UBR1: variants seen among roughly 807,000 people sequenced by gnomAD.
The protein encoded by UBR1 is ubiquitin protein ligase E3 component n-recognin 1.
Under a neutral mutation model 242.1 loss-of-function variants are expected in UBR1, and 102 were observed. The observed-to-expected ratio is 0.42, with a 90% CI of 0.36 to 0.50. The LOEUF (loss-of-function observed/expected upper bound fraction) is 0.50, where lower values mean the gene tolerates loss of function less well. UBR1 is among the 20% of genes least tolerant of loss of function. The pLI is 0.01. For missense variants in UBR1, 1,772 were observed against 2,101.8 expected (o/e 0.84, Z 3.07); for synonymous variants, 675 against 684.8 (o/e 0.99, Z 0.22).
At chr15:43,017,446 T>C (rs1322683476) in intron 27 of UBR1, among the ~76,000 whole-genome samples, 1 of 152,052 alleles carries the variant, frequency 6.6e-6, no homozygotes, top group Admixed American at 6.5e-5. Flanking sequence ...TTTCAAGAGA[T>C]TTGCCAGGAA....
chr15:42,977,056 T>C (rs1050182706), intron 38 of UBR1, among the ~76,000 whole-genome samples, 189 bp from the exon 39 acceptor site: 1 of 152,232 alleles, frequency 6.6e-6, no homozygotes, highest in Non-Finnish European at 1.5e-5. Flanking sequence ...TGGAGGACGA[T>C]GATCACCACC....
At chr15:43,026,529 G>C in intron 23 of UBR1, 32 bp downstream of exon 23, 1 of 1,580,814 alleles carries the variant, frequency 6.3e-7, no homozygotes, top group Non-Finnish European at 8.7e-7. Context: ...AAGCATTTAG[G>C]TTTATTTACT....
At chr15:43,080,645 T>C (rs1303656038) in intron 3 of UBR1, among the ~76,000 whole-genome samples, 1 of 152,184 alleles carries the variant, frequency 6.6e-6, no homozygotes. Flanking sequence ...TTGGGAAATA[T>C]GAAGAAAGCT....
chr15:42,988,558 A>C, intron 35 of UBR1: 1 of 436,450 alleles, frequency 2.3e-6, no homozygotes, highest in South Asian at 2.3e-5. Flanking sequence ...TCAGCCTCCC[A>C]GGCATAATCC....
chr15:42,987,711 CA>C (rs35169116), intron 35 of UBR1, among the ~76,000 whole-genome samples: 1,958 of 54,632 alleles, frequency 0.036, 15 homozygotes, highest in African/African-American at 0.13. Context: ...GACTCTGTCT[CA>C]AAAAAAAAAA....
At position 43,063,596 on chromosome 15, in the gene UBR1, G is replaced by A. The variant is rs2033714326; in HGVS notation, c.799-3482C>T. Among the ~76,000 whole-genome samples the A allele has an allele frequency of 3.9e-5, 6 of 152,112 alleles. No individual in the cohort carries two copies. In the South Asian group the frequency reaches 1.2e-3, roughly 32 times the overall value. On this transcript the variant is annotated intron_variant, in intron 6 of 46. Coordinates refer to ENST00000290650, the MANE Select transcript of UBR1 (RefSeq NM_174916.3). Reference sequence around the variant, plus strand: ...AGGTGGGTGAATCACCTGAGCCCAGGAGTTGAAGACAAGTGTGGGCAACAT... The same window carrying A: ...AGGTGGGTGAATCACCTGAGCCCAGAAGTTGAAGACAAGTGTGGGCAACAT...
intron 37 of UBR1, among the ~76,000 whole-genome samples, chr15:42,982,257 A>G (rs180684653): frequency 2.5e-3 from 379 of 152,382 alleles, no homozygotes; most frequent in Non-Finnish European, 4.2e-3. Context: ...GTAAATATCT[A>G]AATTATGACT....
intron 32 of UBR1, among the ~76,000 whole-genome samples, chr15:43,000,909 C>T (rs2032712988): frequency 6.6e-6 from 1 of 152,188 alleles, no homozygotes; most frequent in South Asian, 2.1e-4. Flanking sequence ...TCTCGGCTCA[C>T]TGCAACCTCC....
At chr15:43,062,563 T>C (rs1414124035) in intron 6 of UBR1, among the ~76,000 whole-genome samples, 1 of 152,136 alleles carries the variant, frequency 6.6e-6, no homozygotes, top group East Asian at 1.9e-4. Context: ...TAGAAAAAGA[T>C]TAAAATGGTA....
At chr15:42,981,684 G>T (rs2032381133) in intron 37 of UBR1, among the ~76,000 whole-genome samples, 1 of 151,978 alleles carries the variant, frequency 6.6e-6, no homozygotes, top group Non-Finnish European at 1.5e-5. Context: ...TAGAGACAGG[G>T]TTTTACCATG....
intron 30 of UBR1, among the ~76,000 whole-genome samples, chr15:43,005,206 G>A (rs975153944): frequency 1.3e-5 from 2 of 152,134 alleles, no homozygotes; most frequent in South Asian, 2.1e-4. Flanking sequence ...GGGAAGTGAG[G>A]AGCATCTCCG....
intron 39 of UBR1, among the ~76,000 whole-genome samples, chr15:42,972,693 C>A (rs1427932415): frequency 6.6e-6 from 1 of 152,120 alleles, no homozygotes; most frequent in Non-Finnish European, 1.5e-5. Context: ...CTTTTTAGCA[C>A]TGAATAATAT....
rs529943406 is a variant in UBR1 at position 43,069,260 on chromosome 15, C to T, written c.660-1224G>A. On this transcript the variant is annotated intron_variant, in intron 5 of 46. Transcript: ENST00000290650. ...ACAAGATATGTAAAAACAGCTGCCA[C>T]GGGCTACATATGTGTTCAGTATTTT... 8.6e-5 allele frequency among the ~76,000 whole-genome samples: 13 copies of T among 151,884 alleles called. No homozygotes were observed. The East Asian group carries it at 1.6e-3, about 18-fold the overall frequency.
chr15:43,097,431 C>T (rs952053007), intron 1 of UBR1, among the ~76,000 whole-genome samples: 16 of 152,360 alleles, frequency 1.1e-4, no homozygotes, highest in Middle Eastern at 3.4e-3. Flanking sequence ...GCATTAGCCG[C>T]TAGCAAGAGA....
At chr15:43,005,051 G>A (rs942425081) in intron 30 of UBR1, among the ~76,000 whole-genome samples, 1 of 151,378 alleles carries the variant, frequency 6.6e-6, no homozygotes, top group Non-Finnish European at 1.5e-5. Context: ...GAACTGAGGA[G>A]CGTCTCTGCC....
At chr15:42,980,054 C>T (rs560497496) in intron 37 of UBR1, among the ~76,000 whole-genome samples, 1 of 152,286 alleles carries the variant, frequency 6.6e-6, no homozygotes, top group South Asian at 2.1e-4. Flanking sequence ...TCTGATATTT[C>T]AGTTAGCATG....
intron 29 of UBR1, among the ~76,000 whole-genome samples, chr15:43,013,000 A>G (rs6493075): frequency 1 from 152,294 of 152,294 alleles, 76,147 homozygotes; most frequent in Non-Finnish European, 1. Flanking sequence ...CTGGCTCCCA[A>G]GTTCAGGTGA....
At chr15:43,085,920 CAAAA>C (rs77056940) in intron 2 of UBR1, 60 bp downstream of exon 2, 1,158 of 1,238,734 alleles carry the variant, frequency 9.3e-4, no homozygotes, top group Middle Eastern at 1.6e-3. Flanking sequence ...GACTCTGTTT[CAAAA>C]AAAAAAAAAA....
chr15:43,035,267 T>A (rs1246328776), intron 19 of UBR1, among the ~76,000 whole-genome samples: 4 of 152,242 alleles, frequency 2.6e-5, no homozygotes, highest in Admixed American at 1.3e-4. Context: ...TAGGAAGCAG[T>A]GTTTTTCATG....
Sources: allele counts gnomAD v4.1 joint callset (sites outside exome capture counted in the v4.1 genomes callset), GRCh38; gene constraint gnomAD v4.1.1; transcripts MANE v1.5; gene names NCBI Gene and HGNC (gene_info 2026-07-23, HGNC 2026-07-21).